GREM2: variants seen among roughly 807,000 people sequenced by gnomAD.
GREM2 encodes gremlin 2, DAN family BMP antagonist.
In GREM2, 11 loss-of-function variants were observed where a neutral mutation model predicts 14.2. That is an observed-to-expected ratio of 0.78 (90% CI 0.49 to 1.28). The LOEUF (loss-of-function observed/expected upper bound fraction) is 1.28, where lower values mean the gene tolerates loss of function less well. Ranked by LOEUF, GREM2 falls within the 50% of genes most tolerant of loss-of-function variation. The pLI is 0.00. For missense variants in GREM2, 210 were observed against 218.5 expected (o/e 0.96, Z 0.24); for synonymous variants, 98 against 97.6 (o/e 1.00, Z -0.02).
chr1:240,545,405 A>G (rs1319544915), intron 1 of GREM2, among the ~76,000 whole-genome samples: 1 of 142,606 alleles, frequency 7.0e-6, no homozygotes, highest in Non-Finnish European at 1.5e-5. Context: ...TGTCCTTTAG[A>G]ATAAACCAGT....
rs113505414 is a variant in GREM2, at chr1:240,493,850, G to C, written c.-1-374C>G. On this transcript the variant is annotated intron_variant, in intron 1 of 1. Coordinates refer to ENST00000318160, the MANE Select transcript of GREM2 (RefSeq NM_022469.4). ...TTTTTAATGCTGTACGGTTTTACTAGCAGTGACAGTCAGGTGGGGCATGGC... is the reference window on the plus strand; with the variant it reads ...TTTTTAATGCTGTACGGTTTTACTACCAGTGACAGTCAGGTGGGGCATGGC... Among the ~76,000 whole-genome samples the C allele has an allele frequency of 3.3e-3, 496 of 152,322 alleles. 3 individuals carry two copies. The highest frequency in any genetic ancestry group is 0.011 in the African/African-American group (472 of 41,580).
chr1:240,573,129 A>G (rs965459375), intron 1 of GREM2, among the ~76,000 whole-genome samples: 1 of 152,048 alleles, frequency 6.6e-6, no homozygotes, highest in Non-Finnish European at 1.5e-5. Flanking sequence ...TTTAAAAGAA[A>G]CAGCAAATCA....
intron 1 of GREM2, among the ~76,000 whole-genome samples, chr1:240,558,931 C>T (rs1678994495): frequency 6.6e-6 from 1 of 152,080 alleles, no homozygotes; most frequent in Admixed American, 6.6e-5. Flanking sequence ...TGGCAGATCT[C>T]TTACATCTGG....
chr1:240,542,522 G>A lies in GREM2; in HGVS notation c.-1-49046C>T, dbSNP rs576605949. Among the ~76,000 whole-genome samples the A allele has an allele frequency of 4.6e-5, 7 of 151,894 alleles. No homozygotes were observed. Among genetic ancestry groups the A allele is most frequent in the Non-Finnish European group, 1.0e-4 (7 of 68,006 alleles). ...CCCAGCTACTCGGGAGGCTGAGGCA[G>A]GAGAATCGCTTGAACCCAGGAGGCG... On this transcript the variant is annotated intron_variant, in intron 1 of 1. Coordinates refer to ENST00000318160, the MANE Select transcript of GREM2 (RefSeq NM_022469.4). This position sits in a 1 kb window ranked among gnomAD's most constrained non-coding sequence, Gnocchi z 4.1.
chr1:240,564,968 A>G (rs1679147717), intron 1 of GREM2, among the ~76,000 whole-genome samples: 1 of 152,190 alleles, frequency 6.6e-6, no homozygotes, highest in Non-Finnish European at 1.5e-5. Flanking sequence ...TTTCAGGAAT[A>G]CTGTGTTGAC....
chr1:240,609,757 T>C (rs903701266), intron 1 of GREM2, among the ~76,000 whole-genome samples: 1 of 152,184 alleles, frequency 6.6e-6, no homozygotes, highest in East Asian at 1.9e-4. Flanking sequence ...GTGTCTGCCC[T>C]TGACCCAGAC....
At position 240,543,467 on chromosome 1, in the gene GREM2, A is replaced by G. The variant is rs142415719; in HGVS notation, c.-1-49991T>C. ...ATATATAAAACCATCAGATCTGGTG[A>G]GACTTATTCACTACCATGATAACAG... On this transcript the variant is annotated intron_variant, in intron 1 of 1. Coordinates refer to ENST00000318160, the MANE Select transcript of GREM2 (RefSeq NM_022469.4). This position sits in a 1 kb window ranked among gnomAD's most constrained non-coding sequence, Gnocchi z 6.4. Among the ~76,000 whole-genome samples the G allele has an allele frequency of 3.8e-3, 572 of 152,292 alleles. 1 individual carries two copies. Among genetic ancestry groups the G allele is most frequent in the African/African-American group, 0.013 (545 of 41,564 alleles).
chr1:240,585,122 A>C (rs1162543463), intron 1 of GREM2, among the ~76,000 whole-genome samples: 1 of 152,172 alleles, frequency 6.6e-6, no homozygotes, highest in Non-Finnish European at 1.5e-5. Context: ...CCTTGTATTC[A>C]CTTGATTTCC....
At chr1:240,565,846 C>CA (rs57078582) in intron 1 of GREM2, among the ~76,000 whole-genome samples, 12,091 of 93,820 alleles carry the variant, frequency 0.13, 1,390 homozygotes, top group African/African-American at 0.34. Context: ...ACTCTGTCTC[C>CA]AAAAAAAAAA....
intron 1 of GREM2, among the ~76,000 whole-genome samples, chr1:240,605,982 T>C (rs1680017241): frequency 6.6e-6 from 1 of 152,138 alleles, no homozygotes; most frequent in Non-Finnish European, 1.5e-5. Context: ...TAGGAGTCTG[T>C]AGCATAAGGG....
chr1:240,608,102 C>T (rs1224861362), intron 1 of GREM2, among the ~76,000 whole-genome samples: 1 of 152,186 alleles, frequency 6.6e-6, no homozygotes, highest in Non-Finnish European at 1.5e-5. Flanking sequence ...AATATGTTCT[C>T]AGCTATCAGA....
intron 1 of GREM2, among the ~76,000 whole-genome samples, chr1:240,557,528 A>C (rs1051113525): frequency 4.6e-5 from 7 of 152,198 alleles, no homozygotes; most frequent in African/African-American, 7.2e-5. Flanking sequence ...AAGGACTTTA[A>C]ATTTCTGAAG....
chr1:240,561,674 C>T (rs1030324772), intron 1 of GREM2, among the ~76,000 whole-genome samples: 1 of 148,208 alleles, frequency 6.7e-6, no homozygotes, highest in Non-Finnish European at 1.5e-5. Context: ...TGTCATTAGT[C>T]ACACAAAATA....
intron 1 of GREM2, among the ~76,000 whole-genome samples, chr1:240,553,030 G>A (rs1678885707): frequency 6.6e-6 from 1 of 152,098 alleles, no homozygotes; most frequent in African/African-American, 2.4e-5. Context: ...GGTATTTCTG[G>A]CAGAAACTCT....
chr1:240,499,030 G>T (rs1405691515), intron 1 of GREM2, among the ~76,000 whole-genome samples: 1 of 152,186 alleles, frequency 6.6e-6, no homozygotes, highest in Non-Finnish European at 1.5e-5. Context: ...CCAGAATAAG[G>T]ACTGCACAGG....
At chr1:240,525,029 TCCTC>T (rs1678191266) in intron 1 of GREM2, among the ~76,000 whole-genome samples, 1 of 90,354 alleles carries the variant, frequency 1.1e-5, no homozygotes, top group African/African-American at 4.2e-5. Flanking sequence ...TTTCTCTACT[TCCTC>T]GGGAACCTCA....
At chr1:240,563,080 TGA>T (rs753402926) in intron 1 of GREM2, among the ~76,000 whole-genome samples, 2 of 151,130 alleles carry the variant, frequency 1.3e-5, no homozygotes, top group South Asian at 2.1e-4. Flanking sequence ...TGTGTATATG[TGA>T]GTGTGTGTAT....
At chr1:240,503,796 A>G (rs1364572007) in intron 1 of GREM2, among the ~76,000 whole-genome samples, 2 of 152,116 alleles carry the variant, frequency 1.3e-5, no homozygotes, top group African/African-American at 4.8e-5. Flanking sequence ...TATTTTCGCC[A>G]TGGTCATGAC....
intron 1 of GREM2, among the ~76,000 whole-genome samples, chr1:240,532,017 A>G (rs1054168483): frequency 2.0e-5 from 3 of 152,018 alleles, no homozygotes; most frequent in Non-Finnish European, 4.4e-5. Flanking sequence ...CCTAGAACTT[A>G]ATCTTTTAAG....
Sources: allele counts gnomAD v4.1 joint callset (sites outside exome capture counted in the v4.1 genomes callset), GRCh38; gene constraint gnomAD v4.1.1; non-coding constraint Gnocchi (gnomAD v3.1); transcripts MANE v1.5; gene names NCBI Gene and HGNC (gene_info 2026-07-23, HGNC 2026-07-21).